PRKAR2A: variants seen among roughly 807,000 people sequenced by gnomAD.
The protein encoded by PRKAR2A is cAMP-dependent protein kinase type II-alpha regulatory subunit.
Under a neutral mutation model 51.9 loss-of-function variants are expected in PRKAR2A, and 29 were observed. The observed-to-expected ratio is 0.56, with a 90% CI of 0.42 to 0.76. The LOEUF (loss-of-function observed/expected upper bound fraction) is 0.76. PRKAR2A is among the 30% of genes least tolerant of loss of function. PRKAR2A has a pLI of 0.00. For missense variants in PRKAR2A, 445 were observed against 512.1 expected, an observed-to-expected ratio of 0.87 and a Z score of 1.26; for synonymous variants, 178 against 186.2, an observed-to-expected ratio of 0.96 and a Z score of 0.36.
At chr3:48,777,639 T>C (rs1017576697) in intron 5 of PRKAR2A, among the ~76,000 whole-genome samples, 14 of 152,150 alleles carry the variant, frequency 9.2e-5, no homozygotes, top group Admixed American at 1.3e-4. Flanking sequence ...TCTCCTGATC[T>C]TGTGATCCAC....
intron 4 of PRKAR2A, among the ~76,000 whole-genome samples, chr3:48,788,238 C>T (rs1357219629): frequency 1.3e-5 from 2 of 152,088 alleles, no homozygotes; most frequent in African/African-American, 4.8e-5. Flanking sequence ...ACCATGTTAG[C>T]CAGGATGGTC....
intron 1 of PRKAR2A, among the ~76,000 whole-genome samples, chr3:48,830,599 A>G (rs1257680823): frequency 6.6e-6 from 1 of 152,206 alleles, no homozygotes; most frequent in Non-Finnish European, 1.5e-5. Flanking sequence ...AACTGGTTTC[A>G]TGGAAGACAA....
intron 1 of PRKAR2A, among the ~76,000 whole-genome samples, chr3:48,819,067 A>G (rs542878861): frequency 6.6e-6 from 1 of 151,916 alleles, no homozygotes. Flanking sequence ...CAGTGGTGCA[A>G]TCTCTGCTCA....
chr3:48,811,837 T>C (rs1479974750), intron 1 of PRKAR2A, among the ~76,000 whole-genome samples: 1 of 152,050 alleles, frequency 6.6e-6, no homozygotes, highest in Non-Finnish European at 1.5e-5. Flanking sequence ...AAAGGCATTA[T>C]GCAAAGTAAA....
chr3:48,762,167 C>A (rs1250021344), intron 8 of PRKAR2A, among the ~76,000 whole-genome samples: 1 of 152,108 alleles, frequency 6.6e-6, no homozygotes, highest in Non-Finnish European at 1.5e-5. Context: ...CACCTATAAT[C>A]CCAGCACTTA....
chr3:48,774,983 G>A (rs555435121), intron 5 of PRKAR2A, among the ~76,000 whole-genome samples: 2 of 152,178 alleles, frequency 1.3e-5, no homozygotes, highest in African/African-American at 4.8e-5. Flanking sequence ...GTTAGCTGTA[G>A]GTTTTTAATA....
chr3:48,839,158 C>G (rs201882439), intron 1 of PRKAR2A, among the ~76,000 whole-genome samples: 5 of 149,548 alleles, frequency 3.3e-5, no homozygotes, highest in African/African-American at 1.2e-4. Context: ...CGTGGTGACA[C>G]GCGCCTGTAA....
chr3:48,745,174 CTT>C (rs111854982), downstream of PRKAR2A, among the ~76,000 whole-genome samples: 11 of 128,102 alleles, frequency 8.6e-5, no homozygotes, highest in African/African-American at 8.6e-5. Flanking sequence ...CGCACCCAGC[CTT>C]TTTTTTTTTT....
chr3:48,757,938 C>T (rs886092360), intron 8 of PRKAR2A, among the ~76,000 whole-genome samples: 4 of 152,130 alleles, frequency 2.6e-5, no homozygotes, highest in African/African-American at 7.2e-5. Flanking sequence ...TGCCTGTAAT[C>T]CCAGCTACTT....
chr3:48,829,288 G>A (rs2083126110), intron 1 of PRKAR2A, among the ~76,000 whole-genome samples: 1 of 151,614 alleles, frequency 6.6e-6, no homozygotes, highest in Admixed American at 6.6e-5. Context: ...GGAGGCCCAG[G>A]TGGGCAGATC....
At chr3:48,841,438 G>T (rs527988117) in intron 1 of PRKAR2A, among the ~76,000 whole-genome samples, 1 of 150,298 alleles carries the variant, frequency 6.7e-6, no homozygotes, top group Non-Finnish European at 1.5e-5. Flanking sequence ...CCAGCTACTC[G>T]GAAGGCTGAG....
intron 5 of PRKAR2A, among the ~76,000 whole-genome samples, chr3:48,777,774 T>A (rs1303962697): frequency 6.6e-6 from 1 of 152,138 alleles, no homozygotes; most frequent in African/African-American, 2.4e-5. Context: ...CTAAATATCA[T>A]GTATTAAAAG....
rs1307213695 is a variant in PRKAR2A, at chr3:48,816,003, T to G, written c.263-8319A>C. 3.2e-5 allele frequency among the ~76,000 whole-genome samples: 4 copies of G among 126,484 alleles called. No individual in the cohort carries two copies. In the East Asian group the frequency reaches 1.0e-3, roughly 32 times the overall value. The allele number at this position is 126,484 out of a possible 152,430, so 83.0% of individuals were successfully genotyped here. The stretch of plus-strand genomic sequence containing the variant: ...CATTGCACTGCAGCCTGGGTGACAG[T>G]GCGAGACTCCATCTCAAAAAAAAAA... On this transcript the variant is annotated intron_variant, in intron 1 of 10. Transcript: ENST00000265563.
intron 8 of PRKAR2A, 24 bp downstream of exon 8, chr3:48,764,980 G>A (rs1228384466): frequency 5.0e-6 from 8 of 1,604,460 alleles, no homozygotes; most frequent in African/African-American, 4.0e-5. Context: ...TCCAGGAAAG[G>A]AGCTGCGTAA....
In PRKAR2A at chr3:48,751,597, G is replaced by GT. The variant is rs2081648734; in HGVS notation, c.1202dup (p.Asn401LysfsTer16). 4 of 1,612,432 alleles carry GT rather than the reference G, an allele frequency of 2.5e-6. No individual in the cohort carries two copies. Among genetic ancestry groups the GT allele is most frequent in the Non-Finnish European group, 3.4e-6 (4 of 1,179,106 alleles). ...GGGTGTGGCACACCTACTGCCCGAG[G>GT]TTGCCCAGATCCACGCTGGAGCCAA... is the stretch of plus-strand genomic sequence containing the variant. On this transcript the variant is annotated frameshift_variant, in exon 11 of 11. Coordinates refer to ENST00000265563, the MANE Select transcript of PRKAR2A (RefSeq NM_004157.4). LOFTEE classifies it high-confidence loss of function.
chr3:48,804,319 G>C (rs1473861021), intron 2 of PRKAR2A, among the ~76,000 whole-genome samples: 1 of 152,012 alleles, frequency 6.6e-6, no homozygotes, highest in Non-Finnish European at 1.5e-5. Context: ...AAATTAGCCA[G>C]GCATGGTAGC....
intron 4 of PRKAR2A, among the ~76,000 whole-genome samples, chr3:48,790,342 G>A (rs1423872906): frequency 6.6e-6 from 1 of 152,112 alleles, no homozygotes; most frequent in Non-Finnish European, 1.5e-5. Flanking sequence ...GGATAAGGGG[G>A]ACTACCACAC....
chr3:48,805,620 AC>A (rs1267442367), intron 2 of PRKAR2A, among the ~76,000 whole-genome samples: 2 of 152,154 alleles, frequency 1.3e-5, no homozygotes, highest in African/African-American at 4.8e-5. Flanking sequence ...TATGGGCCTC[AC>A]TCAAAGTGTT....
intron 3 of PRKAR2A, 21 bp from the exon 4 acceptor site, chr3:48,790,648 A>T (rs2082368141): frequency 7.3e-7 from 1 of 1,375,610 alleles, no homozygotes; most frequent in Non-Finnish European, 9.7e-7. Flanking sequence ...AAATAAAACC[A>T]TGGAAACTGT....
Sources: gnomAD v4.1 joint callset for allele counts (sites outside exome capture counted in the v4.1 genomes callset) on GRCh38, gnomAD v4.1.1 for gene constraint, MANE v1.5 for transcripts, NCBI Gene and HGNC (gene_info 2026-07-23, HGNC 2026-07-21) for gene names.